Variants in MRM1 observed in about 807,000 individuals in gnomAD.
The protein encoded by MRM1 is mitochondrial rRNA methyltransferase 1.
A neutral mutation model predicts 25.0 loss-of-function variants in MRM1; 24 were observed. The ratio of observed to expected loss-of-function variants is 0.96; its 90% CI spans 0.69 to 1.35. The LOEUF (loss-of-function observed/expected upper bound fraction) is 1.35, where lower values mean the gene tolerates loss of function less well. MRM1 is among the 40% of genes most tolerant of loss of function. The probability of loss-of-function intolerance (pLI) is 0.00; values close to 1 mark genes in which losing one functional copy is unlikely to be tolerated. For missense variants in MRM1, 431 were observed against 464.1 expected (o/e 0.93, Z 0.65); for synonymous variants, 188 against 199.2 (o/e 0.94, Z 0.47).
Position 36,608,257 on chromosome 17 carries a change from T to A in MRM1, c.904T>A (p.Ser302Thr), listed in dbSNP as rs753811081. The change falls in exon 5 of 5, where the codon TCC (serine) becomes ACC (threonine). Residue 302 changes from serine to threonine, a missense_variant. Transcript: ENST00000614766. ...TGTCTGTGCAGGAATTCTTCTTCAC[T>A]CCATTTGCAGCCAGAGGAAGGGTTT... ...VSVAAGILLH[S>T]ICSQRKGFPT... The A allele has an allele frequency of 2.2e-5, 35 of 1,573,042 alleles. No individual in the cohort carries two copies. In the Admixed American group the frequency reaches 6.7e-4, roughly 30 times the overall value.
downstream of MRM1, among the ~76,000 whole-genome samples, chr17:36,610,367 G>A (rs1288588048): frequency 1.3e-5 from 2 of 152,018 alleles, no homozygotes; most frequent in African/African-American, 4.8e-5. Flanking sequence ...TGAGTAGCTG[G>A]GACTACAGGC....
At chr17:36,624,443 T>C in the MRM1 span, among the ~76,000 whole-genome samples, 1 of 152,222 alleles carries the variant, frequency 6.6e-6, no homozygotes, top group Non-Finnish European at 1.5e-5. This position sits in a 1 kb window ranked among gnomAD's most constrained non-coding sequence, Gnocchi z 4.0. Flanking sequence ...ATGGAGACTC[T>C]GATTGACAGT....
At chr17:36,604,521 G>T (rs1567847130) in intron 2 of MRM1, among the ~76,000 whole-genome samples, 3 of 152,086 alleles carry the variant, frequency 2.0e-5, no homozygotes, top group Non-Finnish European at 4.4e-5. Context: ...TAAGAGATGG[G>T]GTCAGCTGGG....
In MRM1 at chr17:36,602,120, C is replaced by A. The variant is rs753771681; in HGVS notation, c.310C>A (p.Arg104=). 1.3e-5 allele frequency: 21 copies of A among 1,612,306 alleles called. No individual in the cohort carries two copies. Among genetic ancestry groups the A allele is most frequent in the Non-Finnish European group, 6.8e-6 (8 of 1,179,836 alleles). Residue 104 remains arginine (R), a synonymous_variant, in exon 1 of 5, where the codon CGG becomes AGG. Transcript: ENST00000614766. This position sits in a 1 kb window ranked among gnomAD's most constrained non-coding sequence, Gnocchi z 4.1. ...ARDIPVLRPR[R]QKLDTMCRYQ... is the part of the protein sequence containing the mutation. The stretch of plus-strand genomic sequence containing the variant: ...GGACATTCCAGTTCTGCGGCCCAGA[C>A]GGCAGAAACTGGACACAATGTGCCG...
chr17:36,605,689 T>C (rs528620099), intron 2 of MRM1, among the ~76,000 whole-genome samples: 1 of 151,950 alleles, frequency 6.6e-6, no homozygotes, highest in East Asian at 1.9e-4. Context: ...CTAACATTTC[T>C]AAAACTGAGC....
At chr17:36,623,923 A>G in the MRM1 span, among the ~76,000 whole-genome samples, 4 of 152,150 alleles carry the variant, frequency 2.6e-5, no homozygotes, top group South Asian at 2.1e-4. Flanking sequence ...CGGACCTGCA[A>G]TAGATCCCAT....
the MRM1 span, among the ~76,000 whole-genome samples, chr17:36,629,026 G>A: frequency 6.6e-6 from 1 of 152,134 alleles, no homozygotes; most frequent in Non-Finnish European, 1.5e-5. Flanking sequence ...ACACGGTGGG[G>A]CCTCTTCTGG....
chr17:36,604,867 C>T (rs932175528), intron 2 of MRM1, among the ~76,000 whole-genome samples: 5 of 151,124 alleles, frequency 3.3e-5, no homozygotes, highest in East Asian at 1.9e-4. Flanking sequence ...TGGCCAGGCA[C>T]GGTGGCTCAC....
At chr17:36,614,362 A>C in the MRM1 span, among the ~76,000 whole-genome samples, 2 of 152,182 alleles carry the variant, frequency 1.3e-5, no homozygotes, top group Non-Finnish European at 2.9e-5. Context: ...CCCAGAGCTC[A>C]GTGCCTCTCA....
chr17:36,612,868 G>A (rs2074985037), downstream of MRM1, among the ~76,000 whole-genome samples: 1 of 152,074 alleles, frequency 6.6e-6, no homozygotes. Context: ...AAGCCTCTAG[G>A]GCCAGATTTA....
At chr17:36,607,601 C>G in intron 2 of MRM1, 69 bp from the exon 3 acceptor site, 1 of 1,523,322 alleles carries the variant, frequency 6.6e-7, no homozygotes, top group Non-Finnish European at 8.8e-7. Flanking sequence ...CCAGCCTGAG[C>G]GAGAGTAAGA....
the MRM1 span, among the ~76,000 whole-genome samples, chr17:36,627,398 T>C: frequency 6.6e-6 from 1 of 152,234 alleles, no homozygotes; most frequent in East Asian, 1.9e-4. Flanking sequence ...AAAATAATTG[T>C]GTTAATAAAG....
Position 36,601,944 on chromosome 17 carries a change from C to G in MRM1, c.134C>G (p.Pro45Arg). The G allele has an allele frequency of 6.2e-7, 1 of 1,613,082 alleles. No homozygotes were observed. The highest frequency in any genetic ancestry group is 8.5e-7 in the Non-Finnish European group (1 of 1,179,862). ...CGCTTGCTGCTGGATGACCTGGTGC[C>G]GACCTCTCGGCTGGAGCTTCTGTTT... ...LSRLLLDDLV[P>R]TSRLELLFGM... The change falls in exon 1 of 5, where the codon CCG becomes CGG. Residue 45 changes from proline to arginine, a missense_variant. Coordinates refer to ENST00000614766, the MANE Select transcript of MRM1 (RefSeq NM_024864.5).
At chr17:36,617,534 A>G in the MRM1 span, among the ~76,000 whole-genome samples, 1 of 151,660 alleles carries the variant, frequency 6.6e-6, no homozygotes, top group South Asian at 2.1e-4. Flanking sequence ...CTGGGATTAC[A>G]GGCTCCCACC....
At chr17:36,628,985 T>C in the MRM1 span, among the ~76,000 whole-genome samples, 1 of 151,746 alleles carries the variant, frequency 6.6e-6, no homozygotes, top group Non-Finnish European at 1.5e-5. Context: ...ATGAAACAGA[T>C]TGAGCAAGGC....
the MRM1 span, among the ~76,000 whole-genome samples, chr17:36,631,986 A>G: frequency 0.091 from 13,800 of 152,188 alleles, 768 homozygotes; most frequent in South Asian, 0.16. Flanking sequence ...GCCAAGCTAC[A>G]GAACAACCCA....
chr17:36,625,342 T>TTCTTCTTCTTCC, the MRM1 span, among the ~76,000 whole-genome samples: 1 of 149,194 alleles, frequency 6.7e-6, no homozygotes, highest in Non-Finnish European at 1.5e-5. Context: ...CTCCTTCGCC[T>TTCTTCTTCTTCC]TCTTCTTCTT....
the MRM1 span, among the ~76,000 whole-genome samples, chr17:36,632,731 CCTTT>C: frequency 8.5e-5 from 13 of 152,126 alleles, no homozygotes; most frequent in Admixed American, 6.5e-4. Context: ...GAGTAAATGT[CCTTT>C]CCAGGACAGC....
chr17:36,630,189 G>T, the MRM1 span, among the ~76,000 whole-genome samples: 1 of 152,182 alleles, frequency 6.6e-6, no homozygotes, highest in Non-Finnish European at 1.5e-5. Context: ...TGCGGAAGTG[G>T]CATCTTGCAT....
Sources: allele counts gnomAD v4.1 joint callset (sites outside exome capture counted in the v4.1 genomes callset), GRCh38; gene constraint gnomAD v4.1.1; non-coding constraint Gnocchi (gnomAD v3.1); transcripts MANE v1.5; gene names NCBI Gene and HGNC (gene_info 2026-07-23, HGNC 2026-07-21).